The following MYH16 variants were observed in gnomAD, a reference collection of about 807,000 sequenced individuals.
MYH16 encodes the protein myosin heavy chain 16, also known as putative uncharacterized protein MYH16.
At chr7:99,250,103 T>C (rs1791792733) in intron 5 of MYH16, 1 of 152,640 alleles carries the variant, frequency 6.6e-6, no homozygotes, top group Non-Finnish European at 1.5e-5. Flanking sequence ...GGCCCATATT[T>C]CCCGTCTTCA....
rs28715073 is a variant in MYH16, at chr7:99,302,321, C to T, written n.5137+517C>T. On this transcript the variant is annotated intron_variant and non_coding_transcript_variant, in intron 38 of 41. Transcript: ENST00000439784. Reference sequence around the variant, plus strand: ...TCTCAAAAAAAAAAAAATATATACACACACACACACACACACACACACACA... The same window carrying T: ...TCTCAAAAAAAAAAAAATATATACATACACACACACACACACACACACACA... 2.3e-3 allele frequency among the ~76,000 whole-genome samples: 221 copies of T among 98,130 alleles called. 5 individuals carry two copies. The highest frequency in any genetic ancestry group is 0.01 in the African/African-American group (188 of 18,348). The allele number at this position is 98,130 out of a possible 152,430, so 64.4% of individuals were successfully genotyped here.
chr7:99,282,548 C>T (rs895559008), intron 23 of MYH16, among the ~76,000 whole-genome samples: 9 of 151,848 alleles, frequency 5.9e-5, no homozygotes, highest in Non-Finnish European at 8.8e-5. Flanking sequence ...TCATGGCTCA[C>T]TGCAGCTTTG....
intron 29 of MYH16, among the ~76,000 whole-genome samples, 154 bp from the exon 11 acceptor site, chr7:99,289,133 T>C (rs966678836): frequency 6.9e-6 from 1 of 144,142 alleles, no homozygotes; most frequent in African/African-American, 2.6e-5. Flanking sequence ...AAAAAAATGG[T>C]GAGCCATTTG....
chr7:99,293,887 ACT>A (rs1181754100), intron 32 of MYH16, 129 bp from the exon 14 acceptor site: 12 of 329,132 alleles, frequency 3.6e-5, no homozygotes, highest in Admixed American at 2.1e-4. Context: ...TCCTGTAAAC[ACT>A]CTGCATCGTT....
exon 35 of MYH16, chr7:99,297,762 AG>A (rs758089309): frequency 5.6e-4 from 255 of 456,768 alleles, no homozygotes; most frequent in African/African-American, 4.6e-3. Context: ...GAAGAACTCC[AG>A]GTGGCCCTGG....
chr7:99,277,142 G>A (rs1465785943), intron 20 of MYH16, among the ~76,000 whole-genome samples: 1 of 152,092 alleles, frequency 6.6e-6, no homozygotes, highest in Non-Finnish European at 1.5e-5. Context: ...GCCAGAGGTG[G>A]GAGGACTCAG....
intron 6 of MYH16, among the ~76,000 whole-genome samples, chr7:99,252,263 G>A (rs1201413224): frequency 2.6e-5 from 4 of 152,124 alleles, no homozygotes; most frequent in Non-Finnish European, 4.4e-5. Context: ...AACTTGAGAG[G>A]AGCAATGCCC....
In MYH16 at chr7:99,284,949, C is replaced by G. The variant is rs978043460; in HGVS notation, n.3316+14C>G. ...AAGGAGCACCAGGTATGTCCAGGACCGAGAAGCATGAGCTCTCTGTCAGAA... is the reference window on the plus strand; with the variant it reads ...AAGGAGCACCAGGTATGTCCAGGACGGAGAAGCATGAGCTCTCTGTCAGAA... On this transcript the variant is annotated intron_variant and non_coding_transcript_variant, in intron 26 of 41. Transcript: ENST00000439784. 8 of 456,462 alleles carry G rather than the reference C, an allele frequency of 1.8e-5. No individual in the cohort carries two copies. The highest frequency in any genetic ancestry group is 3.1e-5 in the Non-Finnish European group (7 of 226,976). 28.3% of individuals were successfully genotyped at this position (456,462 alleles called of 1,614,324 possible).
intron 28 of MYH16, among the ~76,000 whole-genome samples, chr7:99,287,251 G>A (rs182255360): frequency 2.6e-5 from 4 of 152,152 alleles, no homozygotes; most frequent in Non-Finnish European, 5.9e-5. Context: ...GTGAGAGTCC[G>A]GCCGGGCACG....
intron 18 of MYH16, among the ~76,000 whole-genome samples, chr7:99,270,407 C>T (rs1282961669): frequency 6.6e-6 from 1 of 151,210 alleles, no homozygotes; most frequent in African/African-American, 2.4e-5. Flanking sequence ...CTACAAGCTC[C>T]GCCTCCCGGG....
At position 99,242,267 on chromosome 7, in the gene MYH16, C is replaced by CTTTT. The variant is rs145007362; in HGVS notation, n.211-1006_211-1003dup. ...ACTGATGAATGCTCATTGCTGGTTT[C>CTTTT]TTTTTTTTCTTCTTTTCTTGCTTGC... is the stretch of plus-strand genomic sequence containing the variant. On this transcript the variant is annotated intron_variant and non_coding_transcript_variant, in intron 1 of 41. Transcript: ENST00000439784. Among the ~76,000 whole-genome samples, 18 of 152,026 alleles carry CTTTT rather than the reference C, an allele frequency of 1.2e-4. No homozygotes were observed. The East Asian group carries it at 1.7e-3, about 15-fold the overall frequency.
intron 1 of MYH16, among the ~76,000 whole-genome samples, chr7:99,239,437 C>T (rs1468115843): frequency 6.6e-6 from 1 of 152,198 alleles, no homozygotes; most frequent in Non-Finnish European, 1.5e-5. Flanking sequence ...GCATGAGGGC[C>T]ATGAGAGAGG....
intron 40 of MYH16, 40 bp downstream of exon 21, chr7:99,304,796 A>T (rs1446763201): frequency 6.6e-6 from 1 of 152,656 alleles, no homozygotes; most frequent in Admixed American, 6.6e-5. Context: ...AGGAATGGGG[A>T]TCTGGCGGGG....
exon 40 of MYH16, chr7:99,304,626 A>C (rs900349854): frequency 6.5e-6 from 1 of 152,862 alleles, no homozygotes; most frequent in Non-Finnish European, 1.5e-5. Context: ...GAGCAGGACC[A>C]CTGCATGCAC....
chr7:99,282,482 TA>T (rs1792213183), intron 23 of MYH16, among the ~76,000 whole-genome samples: 1 of 152,132 alleles, frequency 6.6e-6, no homozygotes, highest in African/African-American at 2.4e-5. Context: ...TTTTTATTTT[TA>T]TTTTTTTGAG....
intron 36 of MYH16, among the ~76,000 whole-genome samples, chr7:99,298,465 T>C (rs1012658874): frequency 6.6e-6 from 1 of 152,190 alleles, no homozygotes; most frequent in Non-Finnish European, 1.5e-5. Flanking sequence ...ACTCCTGACC[T>C]CAAGTGATCC....
chr7:99,248,009 G>A (rs1003178476), intron 3 of MYH16, among the ~76,000 whole-genome samples: 4 of 152,234 alleles, frequency 2.6e-5, no homozygotes, highest in Non-Finnish European at 5.9e-5. Flanking sequence ...CCCGTGGGAT[G>A]CCAAGGTAAG....
intron 21 of MYH16, among the ~76,000 whole-genome samples, chr7:99,278,882 A>G (rs192413445): frequency 6.6e-6 from 1 of 152,300 alleles, no homozygotes; most frequent in East Asian, 1.9e-4. Context: ...AGGCTGGGCA[A>G]GACCAAAGTG....
At chr7:99,277,428 C>T (rs1341440877) in intron 20 of MYH16, 111 bp from the exon 3 acceptor site, 3 of 353,118 alleles carry the variant, frequency 8.5e-6, no homozygotes, top group Non-Finnish European at 1.7e-5. Context: ...AGCTGCTTCC[C>T]ACCACAGTGG....
Sources: gnomAD v4.1 joint callset for allele counts (sites outside exome capture counted in the v4.1 genomes callset) on GRCh38, gnomAD v4.1.1 for gene constraint, MANE v1.5 for transcripts, NCBI Gene and HGNC (gene_info 2026-07-23, HGNC 2026-07-21) for gene names.